The following MOB3B variants were observed in gnomAD, a reference collection of about 807,000 sequenced individuals.
MOB3B encodes MOB kinase activator-like 2B.
Under a neutral mutation model 18.7 loss-of-function variants are expected in MOB3B, and 7 were observed. The ratio of observed to expected loss-of-function variants is 0.37; its 90% CI spans 0.21 to 0.70. MOB3B has a LOEUF of 0.70. Ranked by LOEUF, MOB3B falls within the 30% of genes least tolerant of loss-of-function variation. The probability of loss-of-function intolerance (pLI) is 0.52; values close to 1 mark genes in which losing one functional copy is unlikely to be tolerated. For missense variants in MOB3B, 253 were observed against 281.3 expected, an observed-to-expected ratio of 0.90 and a Z score of 0.72; for synonymous variants, 111 against 99.9, an observed-to-expected ratio of 1.11 and a Z score of -0.66.
chr9:27,345,905 G>C (rs1295748819), intron 3 of MOB3B, among the ~76,000 whole-genome samples: 1 of 152,218 alleles, frequency 6.6e-6, no homozygotes, highest in East Asian at 1.9e-4. Context: ...TCAGAATCTA[G>C]TTGAGTAAGT....
At chr9:27,391,186 G>T (rs1320579397) in intron 2 of MOB3B, among the ~76,000 whole-genome samples, 1 of 152,198 alleles carries the variant, frequency 6.6e-6, no homozygotes, top group Admixed American at 6.5e-5. Flanking sequence ...AGAGAGCTTT[G>T]GTTAAATGTA....
At chr9:27,385,938 A>G (rs1821645815) in intron 2 of MOB3B, among the ~76,000 whole-genome samples, 1 of 152,178 alleles carries the variant, frequency 6.6e-6, no homozygotes, top group African/African-American at 2.4e-5. Context: ...GAAGAGAGGG[A>G]ATGAAGAAGA....
chr9:27,462,383 G>C (rs1819306914), intron 1 of MOB3B, among the ~76,000 whole-genome samples: 1 of 152,096 alleles, frequency 6.6e-6, no homozygotes, highest in South Asian at 2.1e-4. Flanking sequence ...AAGAATGGGG[G>C]ATGGGATGAG....
intron 2 of MOB3B, among the ~76,000 whole-genome samples, chr9:27,404,605 G>A (rs1472043283): frequency 2.6e-5 from 4 of 151,838 alleles, no homozygotes; most frequent in African/African-American, 9.7e-5. Flanking sequence ...TGATCCACCC[G>A]CCTTGGCCTC....
chr9:27,429,971 G>A (rs1164367451), intron 2 of MOB3B, among the ~76,000 whole-genome samples: 2 of 152,208 alleles, frequency 1.3e-5, no homozygotes, highest in African/African-American at 4.8e-5. Flanking sequence ...CAGCTCAGGA[G>A]CGAATGCAAC....
intron 2 of MOB3B, among the ~76,000 whole-genome samples, chr9:27,428,192 G>A (rs553814070): frequency 1.3e-5 from 2 of 152,202 alleles, no homozygotes; most frequent in African/African-American, 4.8e-5. Context: ...ACATGGTGAT[G>A]AAAAAATAAT....
intron 1 of MOB3B, among the ~76,000 whole-genome samples, chr9:27,461,368 C>T (rs1247690786): frequency 6.6e-6 from 1 of 152,206 alleles, no homozygotes; most frequent in East Asian, 1.9e-4. Context: ...GCCATCTTTG[C>T]CCACAGGACA....
intron 3 of MOB3B, among the ~76,000 whole-genome samples, chr9:27,347,068 T>C (rs1047302200): frequency 5.3e-5 from 8 of 152,226 alleles, no homozygotes; most frequent in African/African-American, 1.9e-4. Flanking sequence ...TGACAATCTA[T>C]GTTATTCTGG....
intron 2 of MOB3B, among the ~76,000 whole-genome samples, chr9:27,436,707 T>C (rs1822507205): frequency 6.6e-6 from 1 of 152,202 alleles, no homozygotes; most frequent in African/African-American, 2.4e-5. Context: ...GATCTTCTTA[T>C]CTCTGTTATG....
intron 1 of MOB3B, among the ~76,000 whole-genome samples, chr9:27,501,316 G>A (rs537795364): frequency 5.3e-5 from 8 of 152,110 alleles, no homozygotes; most frequent in Non-Finnish European, 1.2e-4. Context: ...GTTTATTGCG[G>A]CACTATTCAC....
intron 1 of MOB3B, among the ~76,000 whole-genome samples, chr9:27,464,847 C>T (rs1022930272): frequency 2.6e-5 from 4 of 152,168 alleles, no homozygotes. Flanking sequence ...TCTCGTGAGA[C>T]TTATTCACTA....
chr9:27,336,331 G>C (rs1218478237), intron 3 of MOB3B, among the ~76,000 whole-genome samples: 1 of 118,572 alleles, frequency 8.4e-6, no homozygotes, highest in Admixed American at 7.7e-5. Flanking sequence ...AAATGGATAA[G>C]GGGGGGGAAG....
chr9:27,430,532 T>A (rs761529121), intron 2 of MOB3B, among the ~76,000 whole-genome samples: 4 of 152,196 alleles, frequency 2.6e-5, no homozygotes, highest in Non-Finnish European at 5.9e-5. Context: ...CTTATTTCAT[T>A]TAAGGTTCTA....
At chr9:27,339,453 G>A (rs957227132) in intron 3 of MOB3B, among the ~76,000 whole-genome samples, 1 of 152,238 alleles carries the variant, frequency 6.6e-6, no homozygotes, top group African/African-American at 2.4e-5. Flanking sequence ...TGAACAAGAT[G>A]GGGCAGTGAT....
At chr9:27,501,054 C>A (rs1207333394) in intron 1 of MOB3B, among the ~76,000 whole-genome samples, 3 of 152,024 alleles carry the variant, frequency 2.0e-5, no homozygotes, top group African/African-American at 7.2e-5. Flanking sequence ...CAATGAGATA[C>A]CATCTCACAC....
At chr9:27,416,554 T>C (rs1479056554) in intron 2 of MOB3B, among the ~76,000 whole-genome samples, 1 of 124,612 alleles carries the variant, frequency 8.0e-6, no homozygotes, top group African/African-American at 4.3e-5. Flanking sequence ...ATTTTTTTTT[T>C]TTTTTTTTTT....
chr9:27,497,911 T>C (rs541184985), intron 1 of MOB3B, among the ~76,000 whole-genome samples: 2 of 152,240 alleles, frequency 1.3e-5, no homozygotes, highest in African/African-American at 4.8e-5. Context: ...TTTTAGTAAA[T>C]CAAAATGAAA....
In MOB3B at chr9:27,528,780, G is replaced by A. The variant is rs183100834; in HGVS notation, c.-199+775C>T. Among the ~76,000 whole-genome samples, 11 of 101,236 alleles carry A rather than the reference G, an allele frequency of 1.1e-4. No individual in the cohort carries two copies. The South Asian group carries it at 2.2e-3, about 20-fold the overall frequency. The allele number at this position is 101,236 out of a possible 152,430, so 66.4% of individuals were successfully genotyped here. A position where few individuals can be genotyped will look rare whatever the true frequency, so the allele number is the denominator to read the frequency against. On this transcript the variant is annotated intron_variant, in intron 1 of 3. Transcript: ENST00000262244. ...GGGAGAGGGTCAGGAAAGAGCGCGA[G>A]GGGGGGGATCCCGAGAGATTTAGAG...
At chr9:27,438,363 C>A (rs956127950) in intron 2 of MOB3B, among the ~76,000 whole-genome samples, 2 of 152,138 alleles carry the variant, frequency 1.3e-5, no homozygotes, top group African/African-American at 4.8e-5. Context: ...GAGATTGTGA[C>A]AGGCTTCAGA....
Sources: allele counts gnomAD v4.1 joint callset (sites outside exome capture counted in the v4.1 genomes callset), GRCh38; gene constraint gnomAD v4.1.1; transcripts MANE v1.5; gene names NCBI Gene and HGNC (gene_info 2026-07-23, HGNC 2026-07-21).